MAPKAP1: variants seen among roughly 807,000 people sequenced by gnomAD.
MAPKAP1 encodes target of rapamycin complex 2 subunit MAPKAP1.
In MAPKAP1, 20 loss-of-function variants were observed where a neutral mutation model predicts 65.7. The observed-to-expected ratio is 0.30, with a 90% confidence interval of 0.21 to 0.44. The LOEUF (loss-of-function observed/expected upper bound fraction) is 0.44, where lower values mean the gene tolerates loss of function less well. Ranked by LOEUF, MAPKAP1 falls within the 20% of genes least tolerant of loss-of-function variation. MAPKAP1 has a pLI of 1.00. For synonymous variants in MAPKAP1, 222 were observed against 244.3 expected, an observed-to-expected ratio of 0.91 and a Z score of 0.85; for missense variants, 423 against 648.0, an observed-to-expected ratio of 0.65 and a Z score of 3.77.
At position 125,595,407 on chromosome 9, in the gene MAPKAP1, A is replaced by C; in HGVS notation, c.499-9680T>G. On this transcript the variant is annotated intron_variant, in intron 4 of 11. Coordinates refer to ENST00000265960, the MANE Select transcript of MAPKAP1 (RefSeq NM_001006617.3). This position sits in a 1 kb window ranked among gnomAD's most constrained non-coding sequence, Gnocchi z 4.0. ...GAAATGTATGTATTTGAACATGCTG[A>C]TGAATTAAAACATTATCTAGAGCAG... 2.8e-6 allele frequency: 1 copy of C among 357,794 alleles called. No individual in the cohort carries two copies. The highest frequency in any genetic ancestry group is 4.0e-6 in the Non-Finnish European group (1 of 248,250). The allele number at this position is 357,794 out of a possible 1,614,324, so 22.2% of individuals were successfully genotyped here. A position where few individuals can be genotyped will look rare whatever the true frequency, so the allele number is the denominator to read the frequency against.
At chr9:125,688,558 A>G (rs967855856) in intron 1 of MAPKAP1, among the ~76,000 whole-genome samples, 32 of 152,182 alleles carry the variant, frequency 2.1e-4, no homozygotes, top group African/African-American at 7.7e-4. Flanking sequence ...CATACAATTT[A>G]AATCGAATAA....
chr9:125,620,294 C>G (rs368553075), intron 4 of MAPKAP1, among the ~76,000 whole-genome samples: 2 of 150,908 alleles, frequency 1.3e-5, no homozygotes, highest in Non-Finnish European at 3.0e-5. Context: ...GATGACAGAG[C>G]GAAAAAAAAA....
At chr9:125,519,622 T>G (rs955023658) in intron 7 of MAPKAP1, among the ~76,000 whole-genome samples, 1 of 148,882 alleles carries the variant, frequency 6.7e-6, no homozygotes, top group Non-Finnish European at 1.5e-5. Flanking sequence ...AAGCAAGACC[T>G]TGTCTAATAT....
rs1393677164 is a variant in MAPKAP1, at chr9:125,652,752, TA to T, written c.498+4898del. Among the ~76,000 whole-genome samples, 5 of 151,806 alleles carry T rather than the reference TA, an allele frequency of 3.3e-5. No homozygotes were observed. The East Asian group carries it at 5.8e-4, about 18-fold the overall frequency. Reference sequence around the variant, plus strand: ...TTGAACCATTTTCTCACCAAAAGTTTAAAAAAAATAGCCAATCCCCCACCCA... The same window carrying T: ...TTGAACCATTTTCTCACCAAAAGTTTAAAAAAATAGCCAATCCCCCACCCA... On this transcript the variant is annotated intron_variant, in intron 4 of 11. Transcript: ENST00000265960.
chr9:125,490,828 C>T (rs1027962301), intron 8 of MAPKAP1, among the ~76,000 whole-genome samples: 1 of 151,998 alleles, frequency 6.6e-6, no homozygotes, highest in Non-Finnish European at 1.5e-5. Context: ...AAAATAATGA[C>T]ACTCTTCTCA....
intron 7 of MAPKAP1, among the ~76,000 whole-genome samples, chr9:125,516,140 A>C (rs932758141): frequency 3.9e-5 from 6 of 152,250 alleles, no homozygotes; most frequent in African/African-American, 1.2e-4. Flanking sequence ...TACTGAAAGA[A>C]GACGCCGTCT....
intron 3 of MAPKAP1, among the ~76,000 whole-genome samples, chr9:125,663,112 T>A (rs1834236300): frequency 6.6e-6 from 1 of 152,106 alleles, no homozygotes; most frequent in Non-Finnish European, 1.5e-5. Flanking sequence ...AAGTCACATA[T>A]CACATCACTA....
chr9:125,542,897 G>A, intron 7 of MAPKAP1, 162 bp downstream of exon 7: 1 of 761,070 alleles, frequency 1.3e-6, no homozygotes, highest in Non-Finnish European at 2.4e-6. Context: ...TGAGGCCGAG[G>A]GGCAGTGTAC....
chr9:125,540,589 A>G (rs1253448859), intron 7 of MAPKAP1, among the ~76,000 whole-genome samples: 2 of 152,246 alleles, frequency 1.3e-5, no homozygotes, highest in African/African-American at 4.8e-5. Context: ...ATCAGGTAAA[A>G]GGGGTTTGAC....
At chr9:125,476,028 G>A (rs776712184) in intron 9 of MAPKAP1, among the ~76,000 whole-genome samples, 6 of 152,198 alleles carry the variant, frequency 3.9e-5, no homozygotes, top group Non-Finnish European at 8.8e-5. Context: ...TCAGCCACCT[G>A]AGGAACCTGA....
chr9:125,612,457 T>C (rs1832629513), intron 4 of MAPKAP1, among the ~76,000 whole-genome samples: 1 of 152,174 alleles, frequency 6.6e-6, no homozygotes, highest in African/African-American at 2.4e-5. Context: ...GGGGGCGGCA[T>C]GTGGAGTAAG....
rs1036911463 is a variant in MAPKAP1 at position 125,680,849 on chromosome 9, A to G, written c.-69-8206T>C. Among the ~76,000 whole-genome samples, 9 of 152,328 alleles carry G rather than the reference A, an allele frequency of 5.9e-5. No homozygotes were observed. In the South Asian group the frequency reaches 6.2e-4, roughly 11 times the overall value. On this transcript the variant is annotated intron_variant, in intron 1 of 11. Transcript: ENST00000265960. ...CACCACCAAATGAGATATTAAGACA[A>G]CATGTTTTCCAAGAGACAGGAACAT...
chr9:125,679,891 G>A (rs1206805078), intron 1 of MAPKAP1, among the ~76,000 whole-genome samples: 7 of 152,154 alleles, frequency 4.6e-5, no homozygotes, highest in Non-Finnish European at 1.0e-4. Context: ...AACAGCCCGA[G>A]GCTTCACAAA....
Position 125,506,198 on chromosome 9 carries a change from A to G in MAPKAP1, c.1066+112T>C, listed in dbSNP as rs1448192910. ...AAGACTGCAGTCTGCCTTGGAAAAC[A>G]GTCACTTCAAATCTGCCTAGGGAAA... On this transcript the variant is annotated intron_variant, in intron 8 of 11. Transcript: ENST00000265960. 3.5e-6 allele frequency: 3 copies of G among 861,786 alleles called. No homozygotes were observed. The African/African-American group carries it at 5.0e-5, about 14-fold the overall frequency. The allele number at this position is 861,786 out of a possible 1,614,324, so 53.4% of individuals were successfully genotyped here. A position where few individuals can be genotyped will look rare whatever the true frequency, so the allele number is the denominator to read the frequency against.
intron 9 of MAPKAP1, among the ~76,000 whole-genome samples, chr9:125,481,017 G>A (rs1589225730): frequency 6.6e-6 from 1 of 151,294 alleles, no homozygotes. Context: ...TGCTTCTATG[G>A]GCCAGACACT....
chr9:125,633,728 A>T (rs967000422), intron 4 of MAPKAP1, among the ~76,000 whole-genome samples: 23 of 152,186 alleles, frequency 1.5e-4, no homozygotes, highest in Non-Finnish European at 2.9e-4. Context: ...TAACTTTTCT[A>T]ATTTCATACT....
intron 10 of MAPKAP1, among the ~76,000 whole-genome samples, chr9:125,449,786 T>C (rs1473507636): frequency 6.6e-6 from 1 of 152,152 alleles, no homozygotes; most frequent in Non-Finnish European, 1.5e-5. Context: ...GGCGTGGCCA[T>C]GTTGGAAAGG....
chr9:125,683,630 G>C (rs1364993719), intron 1 of MAPKAP1, among the ~76,000 whole-genome samples: 1 of 152,138 alleles, frequency 6.6e-6, no homozygotes, highest in Non-Finnish European at 1.5e-5. Context: ...TCCCTAGTGA[G>C]CCTCCAGATG....
intron 10 of MAPKAP1, among the ~76,000 whole-genome samples, chr9:125,454,536 G>T (rs1401257963): frequency 1.3e-5 from 2 of 152,158 alleles, no homozygotes; most frequent in African/African-American, 4.8e-5. Context: ...ATAAGGAAAA[G>T]AAAATACTGT....
Sources: allele counts gnomAD v4.1 joint callset (sites outside exome capture counted in the v4.1 genomes callset), GRCh38; gene constraint gnomAD v4.1.1; non-coding constraint Gnocchi (gnomAD v3.1); transcripts MANE v1.5; gene names NCBI Gene and HGNC (gene_info 2026-07-23, HGNC 2026-07-21).